VRK2: variants seen among roughly 807,000 people sequenced by gnomAD.
VRK2 encodes the protein VRK serine/threonine kinase 2, also known as serine/threonine-protein kinase VRK2.
A neutral mutation model predicts 57.6 loss-of-function variants in VRK2; 60 were observed. The ratio of observed to expected loss-of-function variants is 1.04; its 90% CI spans 0.85 to 1.29. The LOEUF (loss-of-function observed/expected upper bound fraction) is 1.29, where lower values mean the gene tolerates loss of function less well. Among genes scored for constraint, VRK2 ranks in the 50% most tolerant of loss-of-function variants. VRK2 has a pLI of 0.00. For missense variants in VRK2, 705 were observed against 588.1 expected, an observed-to-expected ratio of 1.20 and a Z score of -2.06; for synonymous variants, 231 against 199.2, an observed-to-expected ratio of 1.16 and a Z score of -1.35.
intron 7 of VRK2, among the ~76,000 whole-genome samples, chr2:58,113,937 G>A (rs60226794): frequency 0.014 from 2,180 of 152,156 alleles, 53 homozygotes; most frequent in African/African-American, 0.049. Context: ...ATTTTTGGGG[G>A]TGGTATGGAG....
At chr2:58,064,185 T>C (rs149920987) in intron 2 of VRK2, among the ~76,000 whole-genome samples, 104 of 152,254 alleles carry the variant, frequency 6.8e-4, no homozygotes, top group African/African-American at 2.4e-3. Context: ...TACATAAATT[T>C]AGCTGATAAA....
intron 7 of VRK2, among the ~76,000 whole-genome samples, chr2:58,104,967 C>T (rs1045244940): frequency 6.6e-6 from 1 of 151,800 alleles, no homozygotes; most frequent in African/African-American, 2.4e-5. Context: ...GGAAAGGACA[C>T]CCTGTTCAAT....
At chr2:58,078,040 A>G (rs1382986727) in intron 2 of VRK2, among the ~76,000 whole-genome samples, 2 of 152,114 alleles carry the variant, frequency 1.3e-5, no homozygotes, top group Admixed American at 6.6e-5. Flanking sequence ...CTGTGTTTGT[A>G]TATACAGTTC....
At chr2:58,098,793 G>T (rs1250622177) in intron 7 of VRK2, among the ~76,000 whole-genome samples, 1 of 152,012 alleles carries the variant, frequency 6.6e-6, no homozygotes, top group Non-Finnish European at 1.5e-5. Flanking sequence ...ACTTACAGAA[G>T]TGATACGTCT....
At chr2:58,089,919 A>T (rs192054462) in intron 7 of VRK2, among the ~76,000 whole-genome samples, 196 bp downstream of exon 7, 1 of 152,286 alleles carries the variant, frequency 6.6e-6, no homozygotes, top group East Asian at 1.9e-4. Context: ...TGAGAGTCAG[A>T]GGGGTTAAAT....
At chr2:58,038,863 A>G (rs1015108612) in intron 3 of VRK2, among the ~76,000 whole-genome samples, 1 of 152,106 alleles carries the variant, frequency 6.6e-6, no homozygotes, top group Non-Finnish European at 1.5e-5. Flanking sequence ...AACCTCAGCC[A>G]CTACTACAGG....
chr2:58,122,465 AAAG>A (rs751975459), intron 7 of VRK2, among the ~76,000 whole-genome samples: 1 of 152,232 alleles, frequency 6.6e-6, no homozygotes, highest in Non-Finnish European at 1.5e-5. Context: ...AAGCTAAAGA[AAAG>A]AAAATGTTAA....
rs1673568708 is a variant in VRK2 at position 58,015,964 on chromosome 2, A to T, written c.-438-9701A>T. ...ATAGCTAGCTTTTTTTTTTGTAATC[A>T]AGTGAAGACATTTATTCACTCAGGT... On this transcript the variant is annotated intron_variant, in intron 1 of 15. Transcript: ENST00000417641. 2.0e-5 allele frequency among the ~76,000 whole-genome samples: 3 copies of T among 151,890 alleles called. No individual in the cohort carries two copies. The South Asian group carries it at 6.2e-4, about 31-fold the overall frequency.
chr2:58,002,816 G>A (rs1250819683), intron 1 of VRK2, among the ~76,000 whole-genome samples: 3 of 152,148 alleles, frequency 2.0e-5, no homozygotes, highest in Non-Finnish European at 4.4e-5. Context: ...TCAGACATTA[G>A]AATAATGCTG....
chr2:58,149,501 T>C (rs1682674568), intron 12 of VRK2, among the ~76,000 whole-genome samples: 1 of 151,726 alleles, frequency 6.6e-6, no homozygotes. Flanking sequence ...GTTTTACCTC[T>C]TCCTTTCCAA....
intron 3 of VRK2, among the ~76,000 whole-genome samples, chr2:58,034,500 AG>A (rs1674213306): frequency 6.6e-6 from 1 of 151,960 alleles, no homozygotes; most frequent in South Asian, 2.1e-4. Flanking sequence ...AGTTTTTCTC[AG>A]TGATTATTTA....
chr2:58,159,033 G>T (rs1377602654), intron 12 of VRK2, among the ~76,000 whole-genome samples: 1 of 151,838 alleles, frequency 6.6e-6, no homozygotes. Flanking sequence ...CCAATTTTTT[G>T]GTTTTGCCAA....
chr2:58,009,692 C>G (rs2103644280), intron 1 of VRK2, among the ~76,000 whole-genome samples: 1 of 151,680 alleles, frequency 6.6e-6, no homozygotes, highest in East Asian at 1.9e-4. Context: ...AGTTCATTTT[C>G]ACTTTATTCA....
At chr2:58,076,255 A>T (rs1327923576) in intron 2 of VRK2, among the ~76,000 whole-genome samples, 1 of 151,884 alleles carries the variant, frequency 6.6e-6, no homozygotes, top group Non-Finnish European at 1.5e-5. Flanking sequence ...AATTATTGTA[A>T]GTCAGTAAGG....
intron 1 of VRK2, among the ~76,000 whole-genome samples, chr2:58,021,084 T>C (rs1295260200): frequency 6.6e-6 from 1 of 152,202 alleles, no homozygotes; most frequent in Non-Finnish European, 1.5e-5. Flanking sequence ...CTGATGAATA[T>C]GAATGATATT....
chr2:58,037,322 CTT>C (rs1392703642), intron 3 of VRK2, among the ~76,000 whole-genome samples: 4 of 152,114 alleles, frequency 2.6e-5, no homozygotes, highest in African/African-American at 7.2e-5. Context: ...AGGCTAAACT[CTT>C]TATCAAGTAC....
intron 1 of VRK2, among the ~76,000 whole-genome samples, chr2:57,994,589 C>T (rs1436916838): frequency 6.6e-6 from 1 of 152,098 alleles, no homozygotes; most frequent in Non-Finnish European, 1.5e-5. Context: ...ATGGCAAATA[C>T]TTCAGGTCTT....
upstream of VRK2, chr2:58,046,798 G>A (rs1572830773): frequency 3.0e-6 from 3 of 985,500 alleles, no homozygotes; most frequent in Non-Finnish European, 2.4e-6. Context: ...TAGGCCCGGG[G>A]GCTCCGCCTC....
intron 1 of VRK2, among the ~76,000 whole-genome samples, chr2:57,915,927 C>G (rs1188022187): frequency 6.6e-6 from 1 of 152,128 alleles, no homozygotes; most frequent in Non-Finnish European, 1.5e-5. Flanking sequence ...AGGTTGCACG[C>G]TCCTTATGAG....
Sources: gnomAD v4.1 joint callset for allele counts (sites outside exome capture counted in the v4.1 genomes callset) on GRCh38, gnomAD v4.1.1 for gene constraint, MANE v1.5 for transcripts, NCBI Gene and HGNC (gene_info 2026-07-23, HGNC 2026-07-21) for gene names.